The following FRMD4A variants were observed in gnomAD, a reference collection of about 807,000 sequenced individuals.
FRMD4A encodes the protein FERM domain-containing protein 4A.
Under a neutral mutation model 129.1 loss-of-function variants are expected in FRMD4A, and 29 were observed. The observed-to-expected ratio is 0.22, with a 90% CI of 0.17 to 0.31. The LOEUF is 0.31. FRMD4A is among the 10% of genes least tolerant of loss of function. FRMD4A has a pLI of 1.00. For synonymous variants in FRMD4A, 634 were observed against 571.6 expected (o/e 1.11, Z -1.56); for missense variants, 1,272 against 1,375.8 (o/e 0.92, Z 1.19).
intron 12 of FRMD4A, among the ~76,000 whole-genome samples, chr10:13,719,284 C>G (rs1289709130): frequency 6.6e-6 from 1 of 152,220 alleles, no homozygotes; most frequent in African/African-American, 2.4e-5. Context: ...GCCCTTCTTT[C>G]TGGCAGCTCT....
intron 2 of FRMD4A, among the ~76,000 whole-genome samples, chr10:13,926,938 C>T (rs151330130): frequency 1.3e-5 from 2 of 152,202 alleles, no homozygotes; most frequent in African/African-American, 4.8e-5. Context: ...CCTAAGAGTC[C>T]AACCCAAGCC....
In FRMD4A at chr10:14,083,868, C is replaced by T. The variant is rs183149480; in HGVS notation, c.46-224956G>A. ...CGGGTAGACACCTTCTCCCCACCTT[C>T]GCACAACTGTAACTTTTTGGTTGTT... On this transcript the variant is annotated intron_variant, in intron 2 of 24. Coordinates refer to ENST00000357447, the MANE Select transcript of FRMD4A (RefSeq NM_018027.5). 99 of 152,294 alleles carry T rather than the reference C, an allele frequency of 6.5e-4. 1 individual carries two copies. The highest frequency in any genetic ancestry group is 5.7e-3 in the Admixed American group (87 of 15,302). 9.4% of individuals were successfully genotyped at this position (152,294 alleles called of 1,614,324 possible). A position where few individuals can be genotyped will look rare whatever the true frequency, so the allele number is the denominator to read the frequency against.
intron 2 of FRMD4A, among the ~76,000 whole-genome samples, chr10:13,955,111 G>GATTTTTTTTTTTTTT (rs1565107008): frequency 3.0e-5 from 1 of 33,108 alleles, no homozygotes; most frequent in Non-Finnish European, 4.8e-5. Context: ...TAATAATTCT[G>GATTTTTTTTTTTTTT]CTTTTTTTTT....
At chr10:14,129,394 A>ATATATT (rs1839113631) in intron 2 of FRMD4A, among the ~76,000 whole-genome samples, 1 of 131,028 alleles carries the variant, frequency 7.6e-6, no homozygotes. Context: ...ATATATATAT[A>ATATATT]TATATATATA....
At chr10:14,305,439 G>A (rs372120482) in intron 2 of FRMD4A, among the ~76,000 whole-genome samples, 27 of 152,150 alleles carry the variant, frequency 1.8e-4, no homozygotes, top group African/African-American at 6.5e-4. Flanking sequence ...TGTATCCCCA[G>A]TATAACAATG....
intron 12 of FRMD4A, 142 bp downstream of exon 12, chr10:13,737,702 T>C: frequency 1.7e-6 from 1 of 588,076 alleles, no homozygotes; most frequent in Non-Finnish European, 3.1e-6. Context: ...GGGATTGCTG[T>C]GGAGTAATTT....
chr10:13,844,951 C>T (rs188905172), intron 3 of FRMD4A, among the ~76,000 whole-genome samples: 19 of 152,290 alleles, frequency 1.2e-4, no homozygotes, highest in Non-Finnish European at 2.8e-4. Flanking sequence ...GCTGGAAAGA[C>T]CAGTCACTGT....
At chr10:14,304,760 G>T (rs1304135234) in intron 2 of FRMD4A, among the ~76,000 whole-genome samples, 1 of 152,194 alleles carries the variant, frequency 6.6e-6, no homozygotes, top group African/African-American at 2.4e-5. Context: ...TTTCCCCACA[G>T]AGCATATTAC....
chr10:13,754,263 C>T (rs2091761120), intron 8 of FRMD4A, among the ~76,000 whole-genome samples: 1 of 149,854 alleles, frequency 6.7e-6, no homozygotes, highest in Admixed American at 6.7e-5. Flanking sequence ...AAGCAATTCG[C>T]ATAGAATTTG....
chr10:14,014,910 CCCTT>C (rs934744240), intron 2 of FRMD4A, among the ~76,000 whole-genome samples: 4 of 148,712 alleles, frequency 2.7e-5, no homozygotes, highest in Non-Finnish European at 4.5e-5. Context: ...CTCCCTCCCT[CCCTT>C]CCTTCCTTTC....
intron 2 of FRMD4A, among the ~76,000 whole-genome samples, chr10:13,984,175 A>G (rs2095572910): frequency 1.3e-5 from 2 of 152,140 alleles, no homozygotes; most frequent in African/African-American, 4.8e-5. Context: ...AAAACCCAGG[A>G]CAGATTTCAA....
At chr10:14,250,817 G>A (rs1026389413) in intron 2 of FRMD4A, among the ~76,000 whole-genome samples, 3 of 152,184 alleles carry the variant, frequency 2.0e-5, no homozygotes, top group Non-Finnish European at 4.4e-5. Context: ...GGGAGGCCCA[G>A]GAGTCACAGC....
chr10:14,087,056 A>T (rs1564277538), intron 2 of FRMD4A, among the ~76,000 whole-genome samples: 2 of 152,032 alleles, frequency 1.3e-5, no homozygotes, highest in Non-Finnish European at 1.5e-5. Context: ...TGGGGTATGA[A>T]CACTGGAAAC....
chr10:14,035,813 G>A (rs955427021), intron 2 of FRMD4A, among the ~76,000 whole-genome samples: 2 of 152,138 alleles, frequency 1.3e-5, no homozygotes, highest in Non-Finnish European at 2.9e-5. Context: ...ACTAGTAAGC[G>A]AATCTCTGGA....
At chr10:14,076,398 T>TG (rs1032111377) in intron 2 of FRMD4A, among the ~76,000 whole-genome samples, 9 of 152,068 alleles carry the variant, frequency 5.9e-5, no homozygotes, top group Admixed American at 2.0e-4. Flanking sequence ...CCCAGCACTT[T>TG]GGGGGGCCGA....
Position 14,026,844 on chromosome 10 carries a change from T to C in FRMD4A, c.46-167932A>G, listed in dbSNP as rs371836426. On this transcript the variant is annotated intron_variant, in intron 2 of 24. Transcript: ENST00000357447. ...CTGATGCCCATGAGGGGCCCTATCATAAGGAGACTAGGGGGAGGGTATGTA... is the reference window on the plus strand; with the variant it reads ...CTGATGCCCATGAGGGGCCCTATCACAAGGAGACTAGGGGGAGGGTATGTA... Among the ~76,000 whole-genome samples, 4 of 152,346 alleles carry C rather than the reference T, an allele frequency of 2.6e-5. No individual in the cohort carries two copies. The East Asian group carries it at 7.7e-4, about 29-fold the overall frequency.
Position 13,674,951 on chromosome 10 carries a change from T to C in FRMD4A, c.1211A>G (p.Gln404Arg). ...RQEALEETLRQRLEELKKLCL... is the reference protein window; with the variant it reads ...RQEALEETLRRRLEELKKLCL... ...CAGCTTCTTCAGTTCCTCCAGCCTC[T>C]GACGCAGGGTTTCCTCCAGAGCTTC... The change falls in exon 16 of 25, where the codon CAG (glutamine) becomes CGG (arginine). Residue 404 changes from glutamine (Q) to arginine (R), a missense_variant. By Grantham distance (43) the Gln-to-Arg change is conservative. Coordinates refer to ENST00000357447, the MANE Select transcript of FRMD4A (RefSeq NM_018027.5). The C allele has an allele frequency of 6.2e-7, 1 of 1,614,188 alleles. No homozygotes were observed. Among genetic ancestry groups the C allele is most frequent in the Non-Finnish European group, 8.5e-7 (1 of 1,180,012 alleles).
chr10:13,877,766 T>A (rs1488045444), intron 2 of FRMD4A, among the ~76,000 whole-genome samples: 1 of 152,212 alleles, frequency 6.6e-6, no homozygotes, highest in Non-Finnish European at 1.5e-5. Flanking sequence ...CTTCCATTCT[T>A]CCTGGGGGAG....
At chr10:13,785,040 T>C (rs2092821283) in intron 5 of FRMD4A, among the ~76,000 whole-genome samples, 1 of 147,594 alleles carries the variant, frequency 6.8e-6, no homozygotes, top group Non-Finnish European at 1.5e-5. Context: ...AGGATAATAA[T>C]GCTACTGTTG....
Sources: gnomAD v4.1 joint callset for allele counts (sites outside exome capture counted in the v4.1 genomes callset) on GRCh38, gnomAD v4.1.1 for gene constraint, MANE v1.5 for transcripts, NCBI Gene and HGNC (gene_info 2026-07-23, HGNC 2026-07-21) for gene names.